Variants in MID1 observed in about 807,000 individuals in gnomAD.
MID1 encodes E3 ubiquitin-protein ligase Midline-1.
A neutral mutation model predicts 40.4 loss-of-function variants in MID1; 7 were observed. That is an observed-to-expected ratio of 0.17 (90% CI 0.10 to 0.33). MID1 has a LOEUF of 0.33. Among genes scored for constraint, MID1 ranks in the 10% least tolerant of loss-of-function variants. The pLI, the probability that MID1 is intolerant of heterozygous loss-of-function variation, is 1.00. For synonymous variants in MID1, 229 were observed against 221.2 expected (o/e 1.04, Z -0.31); for missense variants, 367 against 558.5 (o/e 0.66, Z 3.46).
chrX:10,724,654 T>C (rs759284770), intron 1 of MID1, among the ~76,000 whole-genome samples: 1 of 112,167 alleles, frequency 8.9e-6, no homozygotes, highest in African/African-American at 3.2e-5. Context: ...CAAGTAGATT[T>C]TTAAGTACTT....
intron 1 of MID1, among the ~76,000 whole-genome samples, chrX:10,773,208 T>C (rs2043781508): frequency 8.9e-6 from 1 of 112,126 alleles, no homozygotes; most frequent in Admixed American, 9.5e-5. Flanking sequence ...TATTATCAGA[T>C]ACTAAGGTGG....
intron 1 of MID1, among the ~76,000 whole-genome samples, chrX:10,722,875 C>T (rs2147097621): frequency 9.0e-6 from 1 of 111,618 alleles, no homozygotes; most frequent in Non-Finnish European, 1.9e-5. Flanking sequence ...ACTATTTTTT[C>T]TTATCAGAGA....
intron 3 of MID1, among the ~76,000 whole-genome samples, chrX:10,510,460 A>G (rs1261719376): frequency 8.9e-6 from 1 of 111,819 alleles, no homozygotes; most frequent in African/African-American, 3.3e-5. Flanking sequence ...AACAGGATAA[A>G]ATTAAAATCC....
chrX:10,458,922 A>G (rs927266839), intron 8 of MID1, among the ~76,000 whole-genome samples: 1 of 112,072 alleles, frequency 8.9e-6, no homozygotes, highest in African/African-American at 3.2e-5. Flanking sequence ...ACCATGTTAC[A>G]TAACATAATA....
intron 3 of MID1, among the ~76,000 whole-genome samples, chrX:10,510,497 T>A (rs1050601980): frequency 1.8e-5 from 2 of 111,097 alleles, no homozygotes; most frequent in East Asian, 5.5e-4. Flanking sequence ...CCCAAGTCCT[T>A]AAGTAGCTCT....
chrX:10,742,031 T>C (rs1410929510), intron 1 of MID1, among the ~76,000 whole-genome samples: 4 of 110,722 alleles, frequency 3.6e-5, no homozygotes, highest in Non-Finnish European at 7.6e-5. Context: ...CCAACTCAGG[T>C]CCTTTTTCTC....
Position 10,645,324 on chromosome X carries a change from T to C in MID1, c.-186-24905A>G, listed in dbSNP as rs780863506. 2.7e-5 allele frequency among the ~76,000 whole-genome samples: 3 copies of C among 112,174 alleles called. No individual in the cohort carries two copies. In the East Asian group the frequency reaches 8.5e-4, roughly 32 times the overall value. On this transcript the variant is annotated intron_variant, in intron 1 of 10. Transcript: ENST00000380785. ...CAGTGCAGCCACATGGTAAGATTTA[T>C]GGACAGAAAAAGGAAAGTGACATAC...
chrX:10,654,437 G>T (rs1463141121), intron 1 of MID1, among the ~76,000 whole-genome samples: 1 of 111,682 alleles, frequency 9.0e-6, no homozygotes, highest in East Asian at 2.8e-4. Flanking sequence ...ATCCGGGATG[G>T]GTGGGAGGAA....
At chrX:10,498,055 A>G (rs984044111) in intron 3 of MID1, among the ~76,000 whole-genome samples, 4 of 112,254 alleles carry the variant, frequency 3.6e-5, no homozygotes, top group Admixed American at 2.8e-4. Flanking sequence ...TGTAGACACA[A>G]AATTATGACC....
chrX:10,617,760 G>A (rs1935863216), intron 1 of MID1, among the ~76,000 whole-genome samples: 3 of 112,161 alleles, frequency 2.7e-5, no homozygotes, highest in Admixed American at 1.9e-4. Context: ...AGAACAGGTG[G>A]CCATGCTTTT....
intron 1 of MID1, among the ~76,000 whole-genome samples, chrX:10,715,736 C>G (rs1001715590): frequency 2.7e-5 from 3 of 111,995 alleles, no homozygotes; most frequent in African/African-American, 9.7e-5. Flanking sequence ...TGAGAACGGA[C>G]AGACTGCCTC....
intron 4 of MID1, among the ~76,000 whole-genome samples, chrX:10,486,327 G>A (rs886934993): frequency 3.6e-5 from 4 of 112,051 alleles, no homozygotes; most frequent in Non-Finnish European, 7.5e-5. Flanking sequence ...AATTCTGCCT[G>A]GTTCTTGCTC....
At chrX:10,700,989 T>C (rs1425395303) in intron 1 of MID1, among the ~76,000 whole-genome samples, 2 of 112,326 alleles carry the variant, frequency 1.8e-5, no homozygotes, top group African/African-American at 6.5e-5. Context: ...GAGAATGTAG[T>C]GATGAAACAC....
intron 8 of MID1, among the ~76,000 whole-genome samples, chrX:10,458,568 A>ACACCC (rs1928827746): frequency 8.9e-6 from 1 of 112,271 alleles, no homozygotes. Context: ...AACTCTCTGT[A>ACACCC]TTATCTATGG....
At chrX:10,453,496 T>A (rs1928470581) in intron 9 of MID1, among the ~76,000 whole-genome samples, 1 of 111,985 alleles carries the variant, frequency 8.9e-6, no homozygotes, top group Non-Finnish European at 1.9e-5. Context: ...TAGAGAGTAA[T>A]TATAGCATTT....
chrX:10,563,726 G>A (rs1569106120), intron 2 of MID1, among the ~76,000 whole-genome samples: 1 of 111,844 alleles, frequency 8.9e-6, no homozygotes, highest in Non-Finnish European at 1.9e-5. Context: ...GCCTCTCAAT[G>A]CATAGTCTCC....
intron 1 of MID1, among the ~76,000 whole-genome samples, chrX:10,668,871 GTATT>G (rs2042966920): frequency 8.9e-6 from 1 of 112,335 alleles, no homozygotes; most frequent in Non-Finnish European, 1.9e-5. Flanking sequence ...ATTGATAACT[GTATT>G]TATTTAGGTT....
At chrX:10,636,564 T>A (rs1268218883) in intron 1 of MID1, among the ~76,000 whole-genome samples, 1 of 108,503 alleles carries the variant, frequency 9.2e-6, no homozygotes, top group Non-Finnish European at 1.9e-5. Flanking sequence ...TGGCTGAATG[T>A]CAAAAGCTCA....
intron 1 of MID1, among the ~76,000 whole-genome samples, chrX:10,613,374 G>C (rs368794091): frequency 2.7e-5 from 3 of 110,094 alleles, no homozygotes; most frequent in African/African-American, 9.9e-5. Flanking sequence ...CACAAATCTT[G>C]AACTTCACTA....
Sources: gnomAD v4.1 joint callset for allele counts (sites outside exome capture counted in the v4.1 genomes callset) on GRCh38, gnomAD v4.1.1 for gene constraint, MANE v1.5 for transcripts, NCBI Gene and HGNC (gene_info 2026-07-23, HGNC 2026-07-21) for gene names.